The following MEGF10 variants were observed in gnomAD, a reference collection of about 807,000 sequenced individuals.
MEGF10 encodes multiple epidermal growth factor-like domains protein 10.
A neutral mutation model predicts 147.5 loss-of-function variants in MEGF10; 86 were observed. That is an observed-to-expected ratio of 0.58 (90% CI 0.49 to 0.70). The LOEUF (loss-of-function observed/expected upper bound fraction) is 0.70. Ranked by LOEUF, MEGF10 falls within the 30% of genes least tolerant of loss-of-function variation. The probability of loss-of-function intolerance (pLI) is 0.00; values close to 1 mark genes in which losing one functional copy is unlikely to be tolerated. For missense variants in MEGF10, 1,329 were observed against 1,487.3 expected (o/e 0.89, Z 1.75); for synonymous variants, 478 against 525.5 (o/e 0.91, Z 1.24).
At chr5:127,349,870 A>G (rs773871762) in intron 4 of MEGF10, among the ~76,000 whole-genome samples, 8 of 151,740 alleles carry the variant, frequency 5.3e-5, no homozygotes, top group Non-Finnish European at 1.2e-4. Context: ...TTAGATTAGA[A>G]CTCTCAATCC....
chr5:127,442,541 T>C (rs1053965517), intron 18 of MEGF10, among the ~76,000 whole-genome samples: 1 of 152,196 alleles, frequency 6.6e-6, no homozygotes, highest in Non-Finnish European at 1.5e-5. Flanking sequence ...GCTAATTCAA[T>C]TGAGAATGTG....
the MEGF10 span, among the ~76,000 whole-genome samples, chr5:127,238,659 C>G: frequency 6.6e-6 from 1 of 152,130 alleles, no homozygotes; most frequent in African/African-American, 2.4e-5. Context: ...CCACACTTCA[C>G]TTCTTCTCCA....
At chr5:127,451,593 C>T (rs1489632119) in intron 22 of MEGF10, among the ~76,000 whole-genome samples, 2 of 152,128 alleles carry the variant, frequency 1.3e-5, no homozygotes, top group African/African-American at 4.8e-5. Context: ...TACCAACCAG[C>T]GCTAGTGAAA....
chr5:127,239,463 TATATATATATATA>T, the MEGF10 span, among the ~76,000 whole-genome samples: 2 of 117,970 alleles, frequency 1.7e-5, no homozygotes, highest in Admixed American at 2.0e-4. Context: ...ATATATAAAA[TATATATATATATA>T]ATATATATAC....
At chr5:127,302,029 T>C (rs1201784605) in intron 1 of MEGF10, among the ~76,000 whole-genome samples, 3 of 152,208 alleles carry the variant, frequency 2.0e-5, no homozygotes, top group South Asian at 2.1e-4. Flanking sequence ...TAAGATAGTA[T>C]GTTACTAAAC....
intron 1 of MEGF10, among the ~76,000 whole-genome samples, chr5:127,324,189 C>T (rs555866316): frequency 9.1e-6 from 1 of 110,170 alleles, no homozygotes; most frequent in Admixed American, 8.6e-5. Context: ...TTTATAAAAA[C>T]GCTAAGAGGG....
the MEGF10 span, among the ~76,000 whole-genome samples, chr5:127,245,539 T>C: frequency 6.2e-4 from 94 of 152,242 alleles, no homozygotes; most frequent in African/African-American, 2.2e-3. Context: ...ATTCAGGACA[T>C]AGGCATGGGC....
chr5:127,268,553 C>A, the MEGF10 span, among the ~76,000 whole-genome samples: 1 of 152,124 alleles, frequency 6.6e-6, no homozygotes, highest in South Asian at 2.1e-4. Flanking sequence ...GGGCGCCCAC[C>A]GTTGGTGAGG....
the MEGF10 span, among the ~76,000 whole-genome samples, chr5:127,238,029 C>CTGTA: frequency 7.2e-6 from 1 of 139,130 alleles, no homozygotes; most frequent in South Asian, 2.4e-4. Context: ...AAACTTCAGA[C>CTGTA]TATATATATA....
intron 5 of MEGF10, among the ~76,000 whole-genome samples, chr5:127,373,876 A>G (rs1762933117): frequency 6.6e-6 from 1 of 152,246 alleles, no homozygotes; most frequent in South Asian, 2.1e-4. Context: ...TGGAGAGGGC[A>G]CAGTCACAGC....
chr5:127,310,777 G>T (rs1580696174), intron 1 of MEGF10, among the ~76,000 whole-genome samples: 1 of 152,080 alleles, frequency 6.6e-6, no homozygotes. Context: ...GTAGTATAGG[G>T]GCTAAGGAGA....
At chr5:127,407,761 A>G (rs1326388319) in intron 8 of MEGF10, among the ~76,000 whole-genome samples, 1 of 152,194 alleles carries the variant, frequency 6.6e-6, no homozygotes, top group African/African-American at 2.4e-5. Flanking sequence ...CAAGAAGGAG[A>G]TAAAACTGCT....
At chr5:127,435,524 C>G (rs755591155) in intron 16 of MEGF10, 35 bp downstream of exon 16, 5 of 1,578,468 alleles carry the variant, frequency 3.2e-6, no homozygotes, top group Non-Finnish European at 3.4e-6. Context: ...ATAAACTGTT[C>G]TTATTTGTTT....
At chr5:127,241,525 A>G in the MEGF10 span, among the ~76,000 whole-genome samples, 2 of 151,992 alleles carry the variant, frequency 1.3e-5, no homozygotes, top group Non-Finnish European at 1.5e-5. Context: ...AATTTATGTG[A>G]TATGATTTTT....
chr5:127,299,044 G>T (rs1458447025), intron 1 of MEGF10, among the ~76,000 whole-genome samples: 3 of 152,202 alleles, frequency 2.0e-5, no homozygotes, highest in African/African-American at 7.2e-5. Flanking sequence ...CAGACATGGC[G>T]TTGGGGGAAC....
At chr5:127,350,082 A>T (rs767021511) in intron 4 of MEGF10, among the ~76,000 whole-genome samples, 3 of 152,156 alleles carry the variant, frequency 2.0e-5, no homozygotes, top group Non-Finnish European at 4.4e-5. Context: ...TCCAAATTTC[A>T]CGGCTATGTT....
intron 24 of MEGF10, 62 bp from the exon 25 acceptor site, chr5:127,457,066 G>A: frequency 6.9e-7 from 1 of 1,459,476 alleles, no homozygotes; most frequent in Non-Finnish European, 9.2e-7. Flanking sequence ...TGCAAGAAAT[G>A]CCATATTCTT....
chr5:127,235,759 C>T, the MEGF10 span, among the ~76,000 whole-genome samples: 1 of 152,190 alleles, frequency 6.6e-6, no homozygotes, highest in Non-Finnish European at 1.5e-5. Context: ...TCATCATTCA[C>T]ATTGAATTAA....
the MEGF10 span, among the ~76,000 whole-genome samples, chr5:127,280,967 G>A: frequency 6.2e-4 from 94 of 152,334 alleles, no homozygotes; most frequent in African/African-American, 2.3e-3. Context: ...CCTGGGCTTT[G>A]AATTGGAACC....
Sources: allele counts gnomAD v4.1 joint callset (sites outside exome capture counted in the v4.1 genomes callset), GRCh38; gene constraint gnomAD v4.1.1; transcripts MANE v1.5; gene names NCBI Gene and HGNC (gene_info 2026-07-23, HGNC 2026-07-21).